The following OSBPL9 variants were observed in gnomAD, a reference collection of about 807,000 sequenced individuals.
OSBPL9 encodes the protein oxysterol-binding protein-related protein 9.
In OSBPL9, 40 loss-of-function variants were observed where a neutral mutation model predicts 106.6. The ratio of observed to expected loss-of-function variants is 0.38; its 90% CI spans 0.29 to 0.49. The LOEUF is 0.49. OSBPL9 is among the 20% of genes least tolerant of loss of function. OSBPL9 has a pLI of 0.97. For missense variants in OSBPL9, 609 were observed against 887.2 expected (o/e 0.69, Z 3.98); for synonymous variants, 269 against 295.4 (o/e 0.91, Z 0.92).
At chr1:51,749,711 A>G (rs1194987763) in intron 7 of OSBPL9, 2 of 198,034 alleles carry the variant, frequency 1.0e-5, no homozygotes, top group Non-Finnish European at 2.3e-5. Context: ...GTGTTGAAAA[A>G]CCATTTAGAG....
At chr1:51,641,275 G>A (rs975227350) in intron 1 of OSBPL9, among the ~76,000 whole-genome samples, 10 of 152,032 alleles carry the variant, frequency 6.6e-5, no homozygotes, top group Non-Finnish European at 1.3e-4. Flanking sequence ...CTCTGACTGG[G>A]GCCTCTTTTA....
chr1:51,596,559 G>T (rs1403988455), intron 1 of OSBPL9, among the ~76,000 whole-genome samples: 6 of 73,588 alleles, frequency 8.2e-5, no homozygotes, highest in African/African-American at 2.9e-4. Context: ...AACTCTTGTC[G>T]CAAAAAAAAA....
At chr1:51,649,066 G>C (rs1263470738) in intron 1 of OSBPL9, among the ~76,000 whole-genome samples, 2 of 151,668 alleles carry the variant, frequency 1.3e-5, no homozygotes, top group Non-Finnish European at 2.9e-5. Flanking sequence ...GACCCTTCAG[G>C]ATCTGGTCCC....
intron 3 of OSBPL9, among the ~76,000 whole-genome samples, chr1:51,684,916 T>C (rs890430345): frequency 1.3e-4 from 19 of 141,662 alleles, no homozygotes; most frequent in African/African-American, 1.9e-4. Context: ...TCTTCTTCTT[T>C]TTTTTTTTTT....
At chr1:51,774,956 T>C (rs1200371877) in intron 14 of OSBPL9, among the ~76,000 whole-genome samples, 4 of 152,214 alleles carry the variant, frequency 2.6e-5, no homozygotes, top group African/African-American at 9.6e-5. Context: ...ATTTATCTAC[T>C]GGAGTAGTGA....
chr1:51,630,400 G>A (rs944492945), intron 1 of OSBPL9, among the ~76,000 whole-genome samples: 5 of 151,928 alleles, frequency 3.3e-5, no homozygotes, highest in African/African-American at 4.8e-5. Context: ...TGGGTTAGTC[G>A]TTTTCTGCAC....
At chr1:51,560,723 C>T in the OSBPL9 span, among the ~76,000 whole-genome samples, 10 of 152,298 alleles carry the variant, frequency 6.6e-5, no homozygotes, top group Non-Finnish European at 1.0e-4. Context: ...GTATTGGTCC[C>T]CTCCTTTTTA....
the OSBPL9 span, among the ~76,000 whole-genome samples, chr1:51,542,941 G>A: frequency 6.6e-6 from 1 of 152,092 alleles, no homozygotes; most frequent in Non-Finnish European, 1.5e-5. Flanking sequence ...TCACATAGAG[G>A]GCAAACCTAT....
chr1:51,615,691 G>A (rs557710032), upstream of OSBPL9, among the ~76,000 whole-genome samples: 1 of 152,218 alleles, frequency 6.6e-6, no homozygotes, highest in East Asian at 1.9e-4. Flanking sequence ...TCATCTTTTA[G>A]TTTCCTTTTT....
intron 3 of OSBPL9, among the ~76,000 whole-genome samples, chr1:51,674,824 C>T (rs891904353): frequency 6.6e-6 from 1 of 152,208 alleles, no homozygotes; most frequent in Non-Finnish European, 1.5e-5. Flanking sequence ...GGCATCAAAT[C>T]TTTTGCCTTC....
chr1:51,522,569 C>T, the OSBPL9 span, among the ~76,000 whole-genome samples: 1 of 152,124 alleles, frequency 6.6e-6, no homozygotes, highest in Admixed American at 6.5e-5. Flanking sequence ...GCCCAGATCT[C>T]GTCAGAGCAC....
intron 1 of OSBPL9, among the ~76,000 whole-genome samples, chr1:51,592,555 T>C (rs1300504045): frequency 6.6e-6 from 1 of 151,902 alleles, no homozygotes; most frequent in African/African-American, 2.4e-5. Flanking sequence ...CAAAAGAAAA[T>C]AAGGTAAATA....
the OSBPL9 span, chr1:51,561,722 T>C: frequency 6.6e-6 from 1 of 152,176 alleles, no homozygotes; most frequent in Admixed American, 6.5e-5. Flanking sequence ...TTTTAGTAAC[T>C]TATAATTATT....
chr1:51,772,123 A>C lies in OSBPL9; in HGVS notation c.992A>C (p.Lys331Thr). 1 of 1,613,992 alleles carries C rather than the reference A, an allele frequency of 6.2e-7. No homozygotes were observed. The highest frequency in any genetic ancestry group is 2.2e-5 in the East Asian group (1 of 44,878). The change falls in exon 13 of 24, where the codon AAA becomes ACA. Residue 331 changes from lysine (K) to threonine (T), a missense_variant. Lys to Thr is a moderately conservative substitution (Grantham distance 78, BLOSUM62 -1). This residue lies in a region of OSBPL9 where 356 missense variants were observed against 505.8 expected (regional missense o/e 0.70). Coordinates refer to ENST00000428468, the MANE Select transcript of OSBPL9 (RefSeq NM_024586.6). ...CACAGCAGCTCGGGAAATAGTCTAA[A>C]ACGCCCAGATACCACAGAATCACTT... ...LTHSSSGNSL[K>T]RPDTTESLNS...
chr1:51,712,274 C>A (rs1161563190), intron 3 of OSBPL9, among the ~76,000 whole-genome samples: 1 of 151,926 alleles, frequency 6.6e-6, no homozygotes, highest in Non-Finnish European at 1.5e-5. Context: ...TGGCGGCGCG[C>A]GCCTGCAATC....
chr1:51,520,342 C>T, the OSBPL9 span, among the ~76,000 whole-genome samples: 1 of 152,208 alleles, frequency 6.6e-6, no homozygotes, highest in Admixed American at 6.5e-5. Context: ...ACTTGAAATT[C>T]ATCTTCAAAG....
chr1:51,773,628 G>A (rs1220097942), intron 14 of OSBPL9, among the ~76,000 whole-genome samples: 3 of 152,128 alleles, frequency 2.0e-5, no homozygotes, highest in African/African-American at 7.2e-5. Context: ...CGAGCTTTGG[G>A]GAGTTGATTA....
intron 1 of OSBPL9, among the ~76,000 whole-genome samples, chr1:51,580,941 TATATATATATATA>T (rs1480710763): frequency 0.25 from 384 of 1,506 alleles, 92 homozygotes; most frequent in Non-Finnish European, 0.34. Context: ...TATATATATA[TATATATATATATA>T]ACTTTTTTGA....
At chr1:51,653,688 T>C (rs1484017731) in intron 2 of OSBPL9, among the ~76,000 whole-genome samples, 1 of 152,226 alleles carries the variant, frequency 6.6e-6, no homozygotes, top group African/African-American at 2.4e-5. Context: ...GTCTTTTGTT[T>C]ACAATTTGTC....
Sources: allele counts gnomAD v4.1 joint callset (sites outside exome capture counted in the v4.1 genomes callset), GRCh38; gene constraint gnomAD v4.1.1; regional missense constraint gnomAD v4.1.1; transcripts MANE v1.5; gene names NCBI Gene and HGNC (gene_info 2026-07-23, HGNC 2026-07-21).